The following CCM2 variants were observed in gnomAD, a reference collection of about 807,000 sequenced individuals.
The protein encoded by CCM2 is cerebral cavernous malformations 2 protein.
In CCM2, 25 loss-of-function variants were observed where a neutral mutation model predicts 44.9. The ratio of observed to expected loss-of-function variants is 0.56; its 90% confidence interval spans 0.41 to 0.78. The LOEUF is 0.78. Ranked by LOEUF, CCM2 falls within the 30% of genes least tolerant of loss-of-function variation. The pLI, the probability that CCM2 is intolerant of heterozygous loss-of-function variation, is 0.00. For missense variants in CCM2, 481 were observed against 580.6 expected (o/e 0.83, Z 1.76); for synonymous variants, 219 against 241.1 (o/e 0.91, Z 0.85).
intron 1 of CCM2, among the ~76,000 whole-genome samples, chr7:45,016,393 G>T (rs189211631): frequency 1.3e-5 from 2 of 151,962 alleles, no homozygotes; most frequent in African/African-American, 4.8e-5. Context: ...GCAATGGCGC[G>T]ATCTTGGCTC....
Position 45,068,501 on chromosome 7 carries a change from C to T in CCM2, c.531C>T (p.Leu177=). Residue 177 remains leucine, a synonymous_variant, in exon 5 of 10, where the codon CTC becomes CTT. Transcript: ENST00000258781. The part of the protein sequence containing the change: ...QSLCAESSRG[L]SAGSLSESAV... The stretch of plus-strand genomic sequence containing the variant: ...TGTGTGCGGAAAGTTCCAGAGGCCT[C>T]AGTGCAGGCTCCCTGTCGGAGAGTG... 6.2e-7 allele frequency: 1 copy of T among 1,614,202 alleles called. No individual in the cohort carries two copies. The highest frequency in any genetic ancestry group is 8.5e-7 in the Non-Finnish European group (1 of 1,180,044).
At chr7:45,061,345 G>A (rs896586155) in intron 2 of CCM2, among the ~76,000 whole-genome samples, 29 of 152,072 alleles carry the variant, frequency 1.9e-4, no homozygotes, top group Admixed American at 1.7e-3. Flanking sequence ...CAGGAATTGG[G>A]TGTTTCCTTA....
At chr7:45,066,421 A>G (rs1054122593) in intron 4 of CCM2, among the ~76,000 whole-genome samples, 15 of 152,198 alleles carry the variant, frequency 9.9e-5, no homozygotes, top group Non-Finnish European at 1.8e-4. Flanking sequence ...TGTTGGGACT[A>G]TGGGCATGAG....
chr7:45,041,420 G>A (rs1203991666), intron 2 of CCM2, among the ~76,000 whole-genome samples: 4 of 152,042 alleles, frequency 2.6e-5, no homozygotes, highest in African/African-American at 9.7e-5. Flanking sequence ...TAAAGAGAAC[G>A]CAGACCACCC....
At position 45,013,340 on chromosome 7, in the gene CCM2, T is replaced by G. The variant is rs960108415; in HGVS notation, c.30+12977T>G. ...TTTTTTGCTTTAAACAATCGACTTT[T>G]CACCTTTTTATATTGAAATGATTTA... On this transcript the variant is annotated intron_variant, in intron 1 of 9. Coordinates refer to ENST00000258781, the MANE Select transcript of CCM2 (RefSeq NM_031443.4). 2.6e-5 allele frequency among the ~76,000 whole-genome samples: 4 copies of G among 152,190 alleles called. No homozygotes were observed. In the East Asian group the frequency reaches 7.7e-4, roughly 29 times the overall value.
Position 45,052,204 on chromosome 7 carries a change from A to C in CCM2, c.205-11714A>C, listed in dbSNP as rs79126592. Among the ~76,000 whole-genome samples, 114 of 152,298 alleles carry C rather than the reference A, an allele frequency of 7.5e-4. 1 individual carries two copies. In the East Asian group the frequency reaches 0.022, roughly 29 times the overall value. On this transcript the variant is annotated intron_variant, in intron 2 of 9. Transcript: ENST00000258781. Reference sequence around the variant, plus strand: ...GGACATGCTAATTTTTGCCAGAACAAGTGTTTCTTATTGCAGGATCAAAGG... The same window carrying C: ...GGACATGCTAATTTTTGCCAGAACACGTGTTTCTTATTGCAGGATCAAAGG...
At chr7:45,035,116 G>A (rs1350941020) in intron 1 of CCM2, among the ~76,000 whole-genome samples, 1 of 152,218 alleles carries the variant, frequency 6.6e-6, no homozygotes, top group Non-Finnish European at 1.5e-5. Flanking sequence ...GATTATAGGC[G>A]TGAGCCGCTG....
chr7:45,008,872 C>G (rs1267330258), intron 1 of CCM2, among the ~76,000 whole-genome samples: 1 of 152,208 alleles, frequency 6.6e-6, no homozygotes, highest in African/African-American at 2.4e-5. Context: ...CTGTGCACTT[C>G]TAATATCAGG....
intron 2 of CCM2, among the ~76,000 whole-genome samples, chr7:45,039,210 G>A (rs537410726): frequency 6.6e-4 from 101 of 152,312 alleles, no homozygotes; most frequent in African/African-American, 2.2e-3. Context: ...GGCTTTGGAC[G>A]TGCAGAAACC....
intron 1 of CCM2, among the ~76,000 whole-genome samples, chr7:45,017,188 C>T (rs571078682): frequency 5.3e-5 from 8 of 152,298 alleles, no homozygotes; most frequent in South Asian, 2.1e-4. Flanking sequence ...AGGTACTAAG[C>T]GTAGTATCTG....
chr7:45,064,746 C>A, intron 4 of CCM2, 100 bp downstream of exon 4: 1 of 1,241,392 alleles, frequency 8.1e-7, no homozygotes, highest in Non-Finnish European at 1.2e-6. Flanking sequence ...GTGTTGGGTG[C>A]TGCTGTTTGT....
At chr7:45,061,633 TTTG>T (rs776681005) in intron 2 of CCM2, among the ~76,000 whole-genome samples, 9 of 151,576 alleles carry the variant, frequency 5.9e-5, no homozygotes, top group African/African-American at 1.5e-4. Context: ...GCCCAACTAT[TTTG>T]TTGTTGTTGT....
chr7:45,022,932 G>T (rs552944762), intron 1 of CCM2, among the ~76,000 whole-genome samples: 2 of 151,808 alleles, frequency 1.3e-5, no homozygotes, highest in African/African-American at 4.8e-5. Flanking sequence ...GTAGAGACGG[G>T]GTTTCACCAT....
chr7:45,035,280 C>CA (rs760819818), intron 1 of CCM2, among the ~76,000 whole-genome samples: 93 of 151,974 alleles, frequency 6.1e-4, no homozygotes, highest in Non-Finnish European at 6.9e-4. Context: ...TCATCATTTT[C>CA]AAAAAATATT....
chr7:45,023,551 A>T (rs1337896455), intron 1 of CCM2, among the ~76,000 whole-genome samples: 1 of 152,190 alleles, frequency 6.6e-6, no homozygotes, highest in East Asian at 1.9e-4. Flanking sequence ...CTCCGTCTCA[A>T]AAAACAAAAC....
rs188580011 is a variant in CCM2 at position 45,034,667 on chromosome 7, C to T, written c.31-3586C>T. Among the ~76,000 whole-genome samples, 1,276 of 140,030 alleles carry T rather than the reference C, an allele frequency of 9.1e-3. 22 individuals are homozygous for T. Among genetic ancestry groups the T allele is most frequent in the African/African-American group, 0.033 (1,225 of 37,378 alleles). 91.9% of individuals were successfully genotyped at this position (140,030 alleles called of 152,430 possible). On this transcript the variant is annotated intron_variant, in intron 1 of 9. Transcript: ENST00000258781. ...CCAAGTAGCTGGGATTACAGGCGCC[C>T]GCCACCACACCCAGCTAATTTTTGT...
At position 45,022,050 on chromosome 7, in the gene CCM2, G is replaced by T. The variant is rs537164974; in HGVS notation, c.31-16203G>T. On this transcript the variant is annotated intron_variant, in intron 1 of 9. Transcript: ENST00000258781. The stretch of plus-strand genomic sequence containing the variant: ...TGCATGGAAAACACCTAGAAGCAAT[G>T]ACAGTCCAATAGCAGTGGAGCACAC... Among the ~76,000 whole-genome samples the T allele has an allele frequency of 5.9e-5, 9 of 152,272 alleles. No individual in the cohort carries two copies. In the East Asian group the frequency reaches 1.7e-3, roughly 29 times the overall value.
intron 1 of CCM2, among the ~76,000 whole-genome samples, chr7:45,030,723 TTTTA>T (rs779343213): frequency 2.0e-5 from 3 of 152,136 alleles, no homozygotes; most frequent in Non-Finnish European, 4.4e-5. Context: ...CCTCAATTTA[TTTTA>T]TTTATTTTTT....
chr7:45,023,744 G>A (rs1157731726), intron 1 of CCM2, among the ~76,000 whole-genome samples: 1 of 119,362 alleles, frequency 8.4e-6, no homozygotes, highest in Admixed American at 9.0e-5. Flanking sequence ...TTTTTTTGTC[G>A]TGTGCATCTT....
Sources: gnomAD v4.1 joint callset for allele counts (sites outside exome capture counted in the v4.1 genomes callset) on GRCh38, gnomAD v4.1.1 for gene constraint, MANE v1.5 for transcripts, NCBI Gene and HGNC (gene_info 2026-07-23, HGNC 2026-07-21) for gene names.